Variants in TOX2 observed in about 807,000 individuals in gnomAD.
TOX2 encodes the protein granulosa cell HMG box 1.
In TOX2, 15 loss-of-function variants were observed where a neutral mutation model predicts 47.4. The ratio of observed to expected loss-of-function variants is 0.32; its 90% CI spans 0.21 to 0.49. TOX2 has a LOEUF of 0.49. Ranked by LOEUF, TOX2 falls within the 20% of genes least tolerant of loss-of-function variation. The pLI is 0.99. For synonymous variants in TOX2, 290 were observed against 296.6 expected (o/e 0.98, Z 0.23); for missense variants, 622 against 673.1 (o/e 0.92, Z 0.84).
chr20:43,953,726 A>G (rs1021978272), intron 1 of TOX2, among the ~76,000 whole-genome samples: 1 of 152,204 alleles, frequency 6.6e-6, no homozygotes, highest in Admixed American at 6.5e-5. Context: ...GACCAGGTCA[A>G]GCAGGACCTT....
intron 1 of TOX2, among the ~76,000 whole-genome samples, chr20:43,928,523 A>G (rs1159459501): frequency 6.6e-6 from 1 of 152,206 alleles, no homozygotes. Flanking sequence ...GTCCTTCAGG[A>G]TCAGCGAAGC....
At chr20:44,063,695 C>A (rs1378742457) in intron 5 of TOX2, among the ~76,000 whole-genome samples, 2 of 151,946 alleles carry the variant, frequency 1.3e-5, no homozygotes, top group Non-Finnish European at 2.9e-5. Flanking sequence ...ATGGAACCAG[C>A]CCAAATGCCC....
intron 3 of TOX2, among the ~76,000 whole-genome samples, chr20:44,013,115 T>C (rs1425577482): frequency 1.3e-5 from 2 of 152,136 alleles, no homozygotes; most frequent in East Asian, 1.9e-4. Context: ...GACTTGATCC[T>C]GGGGGCAGGG....
At chr20:43,935,172 T>A (rs1396473579) in intron 1 of TOX2, among the ~76,000 whole-genome samples, 1 of 152,108 alleles carries the variant, frequency 6.6e-6, no homozygotes, top group Non-Finnish European at 1.5e-5. Flanking sequence ...CAGGACCTTG[T>A]GGGGAGGATT....
At chr20:44,025,070 A>G (rs2071039028) in intron 3 of TOX2, among the ~76,000 whole-genome samples, 1 of 152,110 alleles carries the variant, frequency 6.6e-6, no homozygotes, top group Non-Finnish European at 1.5e-5. Flanking sequence ...CCTTCTGTTG[A>G]TGGACATTTA....
At position 44,065,915 on chromosome 20, in the gene TOX2, G is replaced by A. The variant is rs375920323; in HGVS notation, c.1164G>A (p.Ala388=). 109 of 1,599,374 alleles carry A rather than the reference G, an allele frequency of 6.8e-5. No individual in the cohort carries two copies. The highest frequency in any genetic ancestry group is 1.9e-4 in the South Asian group (17 of 90,654). Residue 388 remains alanine, a synonymous_variant, in exon 7 of 9, where the codon GCG becomes GCA. Coordinates refer to ENST00000341197, the MANE Select transcript of TOX2 (RefSeq NM_001098797.2). ...AGTCTCTGCTGCCAGGCCTCAGTGC[G>A]TCCCCGCCGCCGCCACCCTCCTTCC... ...GSKSLLPGLS[A]SPPPPPSFPL...
At chr20:43,949,852 C>A (rs951284595) in intron 1 of TOX2, among the ~76,000 whole-genome samples, 1 of 152,160 alleles carries the variant, frequency 6.6e-6, no homozygotes, top group Non-Finnish European at 1.5e-5. Flanking sequence ...ACATCACCCA[C>A]GATGATGCAC....
At chr20:44,038,302 G>A (rs1268204980) in intron 3 of TOX2, among the ~76,000 whole-genome samples, 1 of 152,126 alleles carries the variant, frequency 6.6e-6, no homozygotes, top group Admixed American at 6.5e-5. Flanking sequence ...AGGCTGAGGT[G>A]GGAGGATCGC....
intron 1 of TOX2, among the ~76,000 whole-genome samples, chr20:43,930,881 G>A (rs1443418229): frequency 6.6e-6 from 1 of 152,292 alleles, no homozygotes; most frequent in African/African-American, 2.4e-5. Context: ...TAATACTCAA[G>A]GCTTGCAAAC....
At chr20:43,938,486 T>C (rs2069358224) in intron 1 of TOX2, among the ~76,000 whole-genome samples, 1 of 152,222 alleles carries the variant, frequency 6.6e-6, no homozygotes, top group Non-Finnish European at 1.5e-5. Flanking sequence ...CTGCCCCATG[T>C]CCTGATGGGT....
chr20:44,060,954 A>AC (rs2071706836), intron 5 of TOX2, among the ~76,000 whole-genome samples: 1 of 152,128 alleles, frequency 6.6e-6, no homozygotes, highest in South Asian at 2.1e-4. Flanking sequence ...CAAAAGATAA[A>AC]CAAAAAGCTG....
At chr20:43,951,102 A>G (rs1208425136) in intron 1 of TOX2, among the ~76,000 whole-genome samples, 1 of 152,108 alleles carries the variant, frequency 6.6e-6, no homozygotes, top group South Asian at 2.1e-4. Context: ...TCAGGGCGAT[A>G]GCTGTCTGGG....
chr20:43,925,686 C>T (rs1006089446), intron 1 of TOX2, among the ~76,000 whole-genome samples: 4 of 152,228 alleles, frequency 2.6e-5, no homozygotes, highest in Non-Finnish European at 5.9e-5. Context: ...CCTTAGTGCT[C>T]ACAGGCTTCG....
At chr20:43,985,588 A>AT (rs1435269334) in intron 2 of TOX2, among the ~76,000 whole-genome samples, 2 of 152,190 alleles carry the variant, frequency 1.3e-5, no homozygotes, top group Admixed American at 1.3e-4. Context: ...CAAAGTGGTT[A>AT]TTCTAGTGCT....
chr20:43,998,667 T>C (rs924823114), intron 2 of TOX2, among the ~76,000 whole-genome samples: 1 of 152,212 alleles, frequency 6.6e-6, no homozygotes, highest in Non-Finnish European at 1.5e-5. Flanking sequence ...TTTGCCCTGA[T>C]TTGTACTTAA....
At chr20:44,053,599 CAT>C (rs1293825650) in intron 4 of TOX2, among the ~76,000 whole-genome samples, 2 of 74,804 alleles carry the variant, frequency 2.7e-5, no homozygotes, top group African/African-American at 1.2e-4. Context: ...TATACACACA[CAT>C]ATATATACAT....
At chr20:44,059,251 T>C (rs538782213) in intron 5 of TOX2, among the ~76,000 whole-genome samples, 5 of 152,218 alleles carry the variant, frequency 3.3e-5, no homozygotes, top group South Asian at 2.1e-4. Flanking sequence ...AGCAACTGAA[T>C]TGAACAAGTA....
chr20:43,993,208 C>T (rs1280471932), intron 2 of TOX2, among the ~76,000 whole-genome samples: 3 of 143,002 alleles, frequency 2.1e-5, no homozygotes, highest in South Asian at 2.2e-4. Flanking sequence ...GTATCCTGAG[C>T]GTAGAGGACA....
intron 2 of TOX2, among the ~76,000 whole-genome samples, chr20:43,989,015 G>A (rs2070321493): frequency 6.6e-6 from 1 of 152,184 alleles, no homozygotes; most frequent in African/African-American, 2.4e-5. Flanking sequence ...ACCACAGTTA[G>A]TCTGAGTCAA....
Sources: allele counts gnomAD v4.1 joint callset (sites outside exome capture counted in the v4.1 genomes callset), GRCh38; gene constraint gnomAD v4.1.1; transcripts MANE v1.5; gene names NCBI Gene and HGNC (gene_info 2026-07-23, HGNC 2026-07-21).